The following YWHAZ variants were observed in gnomAD, a reference collection of about 807,000 sequenced individuals.
YWHAZ encodes the protein tyrosine 3-monooxygenase/tryptophan 5-monooxygenase activation protein zeta.
For missense variants in YWHAZ, 79 were observed against 284.8 expected (o/e 0.28, Z 5.20); for synonymous variants, 87 against 103.6 (o/e 0.84, Z 0.97).
upstream of YWHAZ, chr8:100,953,132 G>A (rs1002540193): frequency 1.0e-6 from 1 of 986,626 alleles, no homozygotes; most frequent in Non-Finnish European, 1.2e-6. Flanking sequence ...GCGGAGGGCT[G>A]GAGCTGGTCC....
intron 1 of YWHAZ, chr8:100,951,562 G>A (rs892724972): frequency 5.4e-5 from 53 of 985,322 alleles, no homozygotes; most frequent in Non-Finnish European, 6.1e-5. Flanking sequence ...CAAGGGTGGG[G>A]ATGGATCGCG....
rs900158178 is a variant in YWHAZ at position 100,948,018 on chromosome 8, A to G, written c.294+578T>C. The G allele has an allele frequency of 3.1e-6, 4 of 1,309,662 alleles. No homozygotes were observed. Among genetic ancestry groups the G allele is most frequent in the Admixed American group, 2.3e-5 (1 of 43,020 alleles). 81.1% of individuals were successfully genotyped at this position (1,309,662 alleles called of 1,614,324 possible). On this transcript the variant is annotated intron_variant, in intron 2 of 5. Coordinates refer to ENST00000395958, the MANE Select transcript of YWHAZ (RefSeq NM_145690.3). This position sits in a 1 kb window ranked among gnomAD's most constrained non-coding sequence, Gnocchi z 4.2. The stretch of plus-strand genomic sequence containing the variant: ...ACTTAAAATACTCGATTCAAACTGG[A>G]AAATCAAGCTTGAGTTGTTCATAAC...
chr8:100,946,086 G>A (rs1233532373), intron 2 of YWHAZ, among the ~76,000 whole-genome samples: 1 of 152,098 alleles, frequency 6.6e-6, no homozygotes, highest in African/African-American at 2.4e-5. Context: ...GTGCTATTCT[G>A]GAGGGTAACG....
chr8:100,952,984 C>G, upstream of YWHAZ: 1 of 1,000,544 alleles, frequency 1.0e-6, no homozygotes, highest in Non-Finnish European at 1.2e-6. Context: ...GGTGACTGCG[C>G]GAGGGGACAA....
chr8:100,942,168 G>A (rs1809916683), intron 2 of YWHAZ, among the ~76,000 whole-genome samples: 1 of 152,162 alleles, frequency 6.6e-6, no homozygotes, highest in Non-Finnish European at 1.5e-5. Context: ...AAGGGCAGGT[G>A]TCACACAAAA....
At chr8:100,943,839 T>C (rs1810052644) in intron 2 of YWHAZ, among the ~76,000 whole-genome samples, 1 of 151,854 alleles carries the variant, frequency 6.6e-6, no homozygotes, top group South Asian at 2.1e-4. Flanking sequence ...ACAATACAAT[T>C]AGCTGGGTGT....
chr8:100,948,106 C>G lies in YWHAZ; in HGVS notation c.294+490G>C, dbSNP rs990836999. 3.3e-6 allele frequency: 5 copies of G among 1,534,820 alleles called. No individual in the cohort carries two copies. The African/African-American group carries it at 4.1e-5, about 13-fold the overall frequency. On this transcript the variant is annotated intron_variant, in intron 2 of 5. Coordinates refer to ENST00000395958, the MANE Select transcript of YWHAZ (RefSeq NM_145690.3). The surrounding 1 kb of genome is among the most constrained non-coding windows in gnomAD (Gnocchi z 4.2). ...AAGAATTCAATGCAGGAAGAGGTTT[C>G]ATAGTTGTGACGCCAGAGTTTTCTG...
At chr8:100,939,053 A>C (rs1814418737) in intron 2 of YWHAZ, among the ~76,000 whole-genome samples, 1 of 152,232 alleles carries the variant, frequency 6.6e-6, no homozygotes, top group Non-Finnish European at 1.5e-5. Flanking sequence ...TTAATCAACA[A>C]GAAATCTGGC....
At chr8:100,935,802 T>C (rs917959437) in intron 2 of YWHAZ, among the ~76,000 whole-genome samples, 21 of 152,194 alleles carry the variant, frequency 1.4e-4, no homozygotes, top group African/African-American at 5.1e-4. Flanking sequence ...TACAAAACTA[T>C]GACCAGCCTC....
rs772167761 is a variant in YWHAZ, at chr8:100,948,238, C to G, written c.294+358G>C. 36 of 1,105,490 alleles carry G rather than the reference C, an allele frequency of 3.3e-5. No individual in the cohort carries two copies. The highest frequency in any genetic ancestry group is 4.1e-5 in the Non-Finnish European group (33 of 797,046). The allele number at this position is 1,105,490 out of a possible 1,614,324, so 68.5% of individuals were successfully genotyped here. A position where few individuals can be genotyped will look rare whatever the true frequency, so the allele number is the denominator to read the frequency against. ...TCTCTTACCTAAAGTATGTAAAATTCCTTTATCCACAGATGTACATTTAAG... is the reference window on the plus strand; with the variant it reads ...TCTCTTACCTAAAGTATGTAAAATTGCTTTATCCACAGATGTACATTTAAG... On this transcript the variant is annotated intron_variant, in intron 2 of 5. Transcript: ENST00000395958. The surrounding 1 kb of genome is among the most constrained non-coding windows in gnomAD (Gnocchi z 4.2).
In YWHAZ at chr8:100,948,463, C is replaced by G; in HGVS notation, c.294+133G>C. On this transcript the variant is annotated intron_variant, in intron 2 of 5. Coordinates refer to ENST00000395958, the MANE Select transcript of YWHAZ (RefSeq NM_145690.3). This position sits in a 1 kb window ranked among gnomAD's most constrained non-coding sequence, Gnocchi z 4.2. ...CTTAACATCTTTTTAGTCATGACAC[C>G]ATGAAGACTTTTAAATTTGGAACAC... 1 of 1,001,068 alleles carries G rather than the reference C, an allele frequency of 1.0e-6. No homozygotes were observed. Among genetic ancestry groups the G allele is most frequent in the South Asian group, 1.7e-5 (1 of 60,180 alleles). The allele number at this position is 1,001,068 out of a possible 1,614,324, so 62.0% of individuals were successfully genotyped here.
In YWHAZ at chr8:100,919,684, G is replaced by C. The variant is rs1442694328; in HGVS notation, c.*1009C>G. On this transcript the variant is annotated 3_prime_UTR_variant, in exon 6 of 6. Coordinates refer to ENST00000395958, the MANE Select transcript of YWHAZ (RefSeq NM_145690.3). The stretch of plus-strand genomic sequence containing the variant: ...ACTAATTTACATGAAAAGCTGTAGA[G>C]AAAGTAGTTGAAAAGTCCATTCATA... 1 of 152,408 alleles carries C rather than the reference G, an allele frequency of 6.6e-6. No individual in the cohort carries two copies. The highest frequency in any genetic ancestry group is 1.5e-5 in the Non-Finnish European group (1 of 68,020). The allele number at this position is 152,408 out of a possible 1,614,324, so 9.4% of individuals were successfully genotyped here. A position where few individuals can be genotyped will look rare whatever the true frequency, so the allele number is the denominator to read the frequency against.
At chr8:100,945,195 A>T (rs1208947112) in intron 2 of YWHAZ, among the ~76,000 whole-genome samples, 2 of 152,250 alleles carry the variant, frequency 1.3e-5, no homozygotes, top group African/African-American at 4.8e-5. Context: ...TGCAAAGTCC[A>T]CATTGTGAAG....
chr8:100,925,069 G>C, intron 2 of YWHAZ, 30 bp from the exon 3 acceptor site: 1 of 1,575,462 alleles, frequency 6.3e-7, no homozygotes, highest in African/African-American at 1.4e-5. Context: ...GACATAGTGA[G>C]AATAAAACAT....
intron 2 of YWHAZ, among the ~76,000 whole-genome samples, chr8:100,933,358 CAAA>C (rs35225207): frequency 1.4e-5 from 2 of 141,970 alleles, no homozygotes; most frequent in African/African-American, 2.6e-5. Context: ...GCCTCCGTCT[CAAA>C]AAAAAAAAAG....
intron 1 of YWHAZ, among the ~76,000 whole-genome samples, chr8:100,950,757 ACACCCCGCTCTCC>A (rs1367361206): frequency 6.6e-6 from 1 of 151,256 alleles, no homozygotes; most frequent in African/African-American, 2.4e-5. Context: ...CGCCGCGGAC[ACACCCCGCTCTCC>A]CACCCAGCGC....
chr8:100,932,936 TAGTAC>T (rs1813859397), intron 2 of YWHAZ, among the ~76,000 whole-genome samples: 1 of 152,178 alleles, frequency 6.6e-6, no homozygotes, highest in Non-Finnish European at 1.5e-5. Flanking sequence ...CAATAATCAC[TAGTAC>T]AGTATAGTAT....
upstream of YWHAZ, chr8:100,953,170 T>G (rs1586176333): frequency 5.1e-6 from 5 of 985,658 alleles, no homozygotes; most frequent in South Asian, 9.4e-5. Context: ...AGACAGGCAG[T>G]CAGGCGTGAC....
chr8:100,951,995 A>C lies in YWHAZ; in HGVS notation c.-78T>G, dbSNP rs1810826667. ...GCAGTCTCTGGGCGGCGGCGGCGGC[A>C]GCAGCGGCGAGGCTGAGACTCTGTC... On this transcript the variant is annotated 5_prime_UTR_variant, in exon 1 of 6. Transcript: ENST00000395958. 2.0e-6 allele frequency: 2 copies of C among 1,003,688 alleles called. No homozygotes were observed. 62.2% of individuals were successfully genotyped at this position (1,003,688 alleles called of 1,614,324 possible).
Sources: gnomAD v4.1 joint callset for allele counts (sites outside exome capture counted in the v4.1 genomes callset) on GRCh38, gnomAD v4.1.1 for gene constraint, Gnocchi (gnomAD v3.1) non-coding constraint, MANE v1.5 for transcripts, NCBI Gene and HGNC (gene_info 2026-07-23, HGNC 2026-07-21) for gene names.